RANGAP1: variants seen among roughly 807,000 people sequenced by gnomAD.
The protein encoded by RANGAP1 is Ran GTPase activating protein 1.
RANGAP1 carries 38 observed loss-of-function variants against 63.5 expected under a neutral mutation model. The ratio of observed to expected loss-of-function variants is 0.60; its 90% CI spans 0.46 to 0.78. RANGAP1 has a LOEUF of 0.78. Among genes scored for constraint, RANGAP1 ranks in the 30% least tolerant of loss-of-function variants. The pLI is 0.00. For missense variants in RANGAP1, 630 were observed against 740.3 expected (o/e 0.85, Z 1.73); for synonymous variants, 329 against 310.5 (o/e 1.06, Z -0.63).
At chr22:41,288,986 G>C (rs187353051), upstream of RANGAP1, among the ~76,000 whole-genome samples, 674 of 147,010 alleles carry the variant, frequency 4.6e-3, 6 homozygotes, top group Non-Finnish European at 7.0e-3. Context: ...GCAGTGGTGC[G>C]ATCTCAGCTC....
At chr22:41,284,490 C>T (rs1008162632) in intron 1 of RANGAP1, among the ~76,000 whole-genome samples, 1 of 151,842 alleles carries the variant, frequency 6.6e-6, no homozygotes, top group Non-Finnish European at 1.5e-5. Flanking sequence ...TCGCTTGAAT[C>T]TGGGAGGCAG....
At chr22:41,298,761 A>G in the RANGAP1 span, among the ~76,000 whole-genome samples, 2 of 152,044 alleles carry the variant, frequency 1.3e-5, no homozygotes, top group African/African-American at 2.4e-5. Flanking sequence ...TCGGCCTCCT[A>G]GTGTTGGGAT....
chr22:41,270,761 C>A (rs757100463), intron 3 of RANGAP1, among the ~76,000 whole-genome samples: 1 of 152,192 alleles, frequency 6.6e-6, no homozygotes, highest in Non-Finnish European at 1.5e-5. Flanking sequence ...TAAAGCAGAC[C>A]ATGAACACAC....
chr22:41,280,587 G>A (rs1449447425), intron 2 of RANGAP1: 5 of 1,112,178 alleles, frequency 4.5e-6, no homozygotes, highest in Non-Finnish European at 4.8e-6. Flanking sequence ...GGATCATGGG[G>A]GTTAAGGGCA....
the RANGAP1 span, among the ~76,000 whole-genome samples, chr22:41,293,574 C>T: frequency 6.6e-6 from 1 of 150,786 alleles, no homozygotes; most frequent in East Asian, 1.9e-4. Context: ...GTCAGGAGAT[C>T]GAAACCATCC....
chr22:41,292,547 T>C, the RANGAP1 span, among the ~76,000 whole-genome samples: 1 of 151,606 alleles, frequency 6.6e-6, no homozygotes, highest in African/African-American at 2.4e-5. Context: ...GATCACGAGC[T>C]CAGGATTTTG....
intron 14 of RANGAP1, 45 bp from the exon 15 acceptor site, chr22:41,249,496 TGG>T (rs139500): frequency 6.2e-7 from 1 of 1,610,128 alleles, no homozygotes; most frequent in South Asian, 1.1e-5. Flanking sequence ...CAAAGTCACC[TGG>T]GGGGGCCCCT....
At chr22:41,286,839 A>G (rs1013911099), upstream of RANGAP1, among the ~76,000 whole-genome samples, 10 of 152,218 alleles carry the variant, frequency 6.6e-5, no homozygotes, top group Non-Finnish European at 1.3e-4. Flanking sequence ...CGTCCGGTCT[A>G]TAATGCATGA....
rs915427340 is a variant in RANGAP1 at position 41,254,338 on chromosome 22, G to A, written c.1230C>T (p.Pro410=). Residue 410 remains proline, a synonymous_variant, in exon 11 of 16, where the codon CCC becomes CCT. Transcript: ENST00000356244. ...QRGQGEKSAT[P]SRKILDPNTG... Reference sequence around the variant, plus strand: ...TGTTAGGGTCCAGAATCTTCCGTGAGGGCGTGGCTGACTTCTCTCCCTGCC... The same window carrying A: ...TGTTAGGGTCCAGAATCTTCCGTGAAGGCGTGGCTGACTTCTCTCCCTGCC... 5.0e-6 allele frequency: 8 copies of A among 1,613,962 alleles called. No individual in the cohort carries two copies. In the Middle Eastern group the frequency reaches 6.6e-4, roughly 133 times the overall value.
Position 41,258,110 on chromosome 22 carries a change from T to C in RANGAP1, c.616-4A>G, listed in dbSNP as rs759063627. Reference sequence around the variant, plus strand: ...CCTCCTCCAGGGTCCCGATGACCTGTGAAGAGGAGGCAGAGAGTGGAGGGG... The same window carrying C: ...CCTCCTCCAGGGTCCCGATGACCTGCGAAGAGGAGGCAGAGAGTGGAGGGG... On this transcript the variant is annotated splice_region_variant and splice_polypyrimidine_tract_variant and intron_variant, in intron 6 of 15. Coordinates refer to ENST00000356244, the MANE Select transcript of RANGAP1 (RefSeq NM_002883.4). 1 of 1,596,238 alleles carries C rather than the reference T, an allele frequency of 6.3e-7. No homozygotes were observed. Among genetic ancestry groups the C allele is most frequent in the South Asian group, 1.1e-5 (1 of 89,300 alleles).
Position 41,257,709 on chromosome 22 carries a change from G to C in RANGAP1, c.774+239C>G, listed in dbSNP as rs2033924625. The stretch of plus-strand genomic sequence containing the variant: ...CCAGCGGCAGCCGCTGGGGGCTGCA[G>C]AGGCGGCTCAGGAGAAGGTGGCATG... On this transcript the variant is annotated intron_variant, in intron 7 of 15. Coordinates refer to ENST00000356244, the MANE Select transcript of RANGAP1 (RefSeq NM_002883.4). This position sits in a 1 kb window ranked among gnomAD's most constrained non-coding sequence, Gnocchi z 4.0. 6.6e-6 allele frequency among the ~76,000 whole-genome samples: 1 copy of C among 152,266 alleles called. No individual in the cohort carries two copies. The highest frequency in any genetic ancestry group is 1.5e-5 in the Non-Finnish European group (1 of 68,044).
rs368607630 is a variant in RANGAP1 at position 41,246,688 on chromosome 22, G to A, written c.1695-16C>T. 20 of 1,545,746 alleles carry A rather than the reference G, an allele frequency of 1.3e-5. No individual in the cohort carries two copies. Among genetic ancestry groups the A allele is most frequent in the East Asian group, 2.4e-5 (1 of 42,152 alleles). ...GCTGTTGGGCCTGCGGGGAAAGAGG[G>A]GTCAGCAGGTCGGTGGATGCCTCTT... On this transcript the variant is annotated splice_polypyrimidine_tract_variant and intron_variant, in intron 15 of 15. Coordinates refer to ENST00000356244, the MANE Select transcript of RANGAP1 (RefSeq NM_002883.4).
In RANGAP1 at chr22:41,259,673, C is replaced by T. The variant is rs57168264; in HGVS notation, c.616-1567G>A. On this transcript the variant is annotated intron_variant, in intron 6 of 15. Coordinates refer to ENST00000356244, the MANE Select transcript of RANGAP1 (RefSeq NM_002883.4). ...TCATATGAAATACCTGTGATTTCCA[C>T]TGGGGATAAAGTCACAAGATTTTCT... 2.8e-3 allele frequency among the ~76,000 whole-genome samples: 431 copies of T among 152,310 alleles called. 8 individuals carry two copies. The East Asian group carries it at 0.047, about 17-fold the overall frequency.
chr22:41,269,883 G>A (rs1307991236), intron 3 of RANGAP1, among the ~76,000 whole-genome samples: 2 of 152,112 alleles, frequency 1.3e-5, no homozygotes, highest in African/African-American at 4.8e-5. Context: ...ACCCAGGCTG[G>A]AGTGCAGTGG....
At chr22:41,286,786 C>G (rs2035763689), upstream of RANGAP1, among the ~76,000 whole-genome samples, 1 of 152,232 alleles carries the variant, frequency 6.6e-6, no homozygotes, top group South Asian at 2.1e-4. Context: ...TGACATTCAT[C>G]GCACGCTTTC....
At chr22:41,261,666 C>T (rs897162107) in intron 5 of RANGAP1, 86 bp from the exon 6 acceptor site, 2 of 1,541,048 alleles carry the variant, frequency 1.3e-6, no homozygotes, top group Non-Finnish European at 1.8e-6. Flanking sequence ...TGCTCTTCAA[C>T]ATCCCACGCC....
intron 2 of RANGAP1, among the ~76,000 whole-genome samples, chr22:41,279,676 C>A (rs2035377139): frequency 6.6e-6 from 1 of 151,726 alleles, no homozygotes; most frequent in Non-Finnish European, 1.5e-5. Flanking sequence ...ATGGTGTGAG[C>A]CTGCAGTCCC....
At chr22:41,265,109 A>G (rs2034391663) in intron 4 of RANGAP1, among the ~76,000 whole-genome samples, 1 of 152,246 alleles carries the variant, frequency 6.6e-6, no homozygotes, top group Non-Finnish European at 1.5e-5. Flanking sequence ...GATGAGAATC[A>G]GCTAGTCAAC....
rs549582482 is a variant in RANGAP1 at position 41,281,612 on chromosome 22, G to A, written c.-38-530C>T. ...GGCACAGGGGTCAGCCCCACTGCACGTCTGGTTTCAACCGTGGCCGGGAGA... is the reference window on the plus strand; with the variant it reads ...GGCACAGGGGTCAGCCCCACTGCACATCTGGTTTCAACCGTGGCCGGGAGA... On this transcript the variant is annotated intron_variant, in intron 1 of 15. Coordinates refer to ENST00000356244, the MANE Select transcript of RANGAP1 (RefSeq NM_002883.4). 503 of 986,952 alleles carry A rather than the reference G, an allele frequency of 5.1e-4. 2 individuals are homozygous for A. The highest frequency in any genetic ancestry group is 1.0e-3 in the Middle Eastern group (2 of 1,916). 61.1% of individuals were successfully genotyped at this position (986,952 alleles called of 1,614,324 possible).
Sources: allele counts gnomAD v4.1 joint callset (sites outside exome capture counted in the v4.1 genomes callset), GRCh38; gene constraint gnomAD v4.1.1; non-coding constraint Gnocchi (gnomAD v3.1); transcripts MANE v1.5; gene names NCBI Gene and HGNC (gene_info 2026-07-23, HGNC 2026-07-21).